ALPK2: variants seen among roughly 807,000 people sequenced by gnomAD.
ALPK2 encodes the protein alpha kinase 2, also known as alpha-protein kinase 2.
A neutral mutation model predicts 163.1 loss-of-function variants in ALPK2; 127 were observed. That is an observed-to-expected ratio of 0.78 (90% CI 0.67 to 0.90). The LOEUF (loss-of-function observed/expected upper bound fraction) is 0.90, where lower values mean the gene tolerates loss of function less well. Ranked by LOEUF, ALPK2 falls within the 40% of genes least tolerant of loss-of-function variation. The pLI, the probability that ALPK2 is intolerant of heterozygous loss-of-function variation, is 0.00. For missense variants in ALPK2, 2,360 were observed against 2,589.6 expected, an observed-to-expected ratio of 0.91 and a Z score of 1.92; for synonymous variants, 953 against 959.1, an observed-to-expected ratio of 0.99 and a Z score of 0.12.
chr18:58,569,619 C>A (rs2051874701), intron 4 of ALPK2, among the ~76,000 whole-genome samples: 1 of 152,156 alleles, frequency 6.6e-6, no homozygotes, highest in Admixed American at 6.5e-5. Context: ...ACTAATGACT[C>A]TTTATTGATT....
At chr18:58,550,604 A>C (rs112818202) in intron 4 of ALPK2, among the ~76,000 whole-genome samples, 1 of 115,164 alleles carries the variant, frequency 8.7e-6, no homozygotes, top group Non-Finnish European at 1.8e-5. Context: ...ATCCCCATCT[A>C]TATCACATAC....
At chr18:58,575,294 A>G (rs930088352) in intron 4 of ALPK2, among the ~76,000 whole-genome samples, 2 of 152,182 alleles carry the variant, frequency 1.3e-5, no homozygotes, top group Admixed American at 1.3e-4. Context: ...TTATCCAGTC[A>G]ATAATTGATT....
At chr18:58,600,488 C>CA (rs1555676568) in intron 3 of ALPK2, 1 of 152,212 alleles carries the variant, frequency 6.6e-6, no homozygotes, top group Non-Finnish European at 1.5e-5. Flanking sequence ...CCCCAGGGCA[C>CA]AGGTGACAAG....
intron 4 of ALPK2, among the ~76,000 whole-genome samples, chr18:58,540,674 C>T: frequency 6.6e-6 from 1 of 152,162 alleles, no homozygotes; most frequent in East Asian, 1.9e-4. Context: ...GCACCACCAC[C>T]CCTCTCTCCG....
intron 1 of ALPK2, among the ~76,000 whole-genome samples, chr18:58,619,316 T>C (rs1042255565): frequency 3.3e-5 from 5 of 152,206 alleles, no homozygotes; most frequent in Admixed American, 1.3e-4. Flanking sequence ...TTCAGTCACT[T>C]CTAAAGGTTG....
In ALPK2 at chr18:58,538,214, T is replaced by A. The variant is rs1432029548; in HGVS notation, c.1973A>T (p.Gln658Leu). ...DWSDPPQVQV[Q>L]ETVRETISCS... is the part of the protein sequence containing the mutation. ...AGAGATTGTCTCTCTGACTGTTTCCTGAACTTGTACCTAGGAAGATGAAAA... is the reference window on the plus strand; with the variant it reads ...AGAGATTGTCTCTCTGACTGTTTCCAGAACTTGTACCTAGGAAGATGAAAA... The change falls in exon 5 of 13, where the codon CAG becomes CTG. Residue 658 changes from glutamine (Q) to leucine (L), a missense_variant. By Grantham distance (113) the Gln-to-Leu change is moderately radical (BLOSUM62 -2). Coordinates refer to ENST00000361673, the MANE Select transcript of ALPK2 (RefSeq NM_052947.4). 6 of 1,609,780 alleles carry A rather than the reference T, an allele frequency of 3.7e-6. No individual in the cohort carries two copies. In the African/African-American group the frequency reaches 8.0e-5, roughly 21 times the overall value.
intron 4 of ALPK2, among the ~76,000 whole-genome samples, chr18:58,555,222 G>C (rs548961993): frequency 6.6e-6 from 1 of 152,212 alleles, no homozygotes; most frequent in African/African-American, 2.4e-5. Context: ...TTAAGCCAGA[G>C]CCTCTTCTTA....
At chr18:58,572,509 G>A (rs748603286) in intron 4 of ALPK2, among the ~76,000 whole-genome samples, 1 of 152,160 alleles carries the variant, frequency 6.6e-6, no homozygotes, top group Non-Finnish European at 1.5e-5. Flanking sequence ...ACCAGTGAAA[G>A]ACTAAGCGAA....
At chr18:58,569,477 G>A (rs2051873924) in intron 4 of ALPK2, among the ~76,000 whole-genome samples, 1 of 152,228 alleles carries the variant, frequency 6.6e-6, no homozygotes, top group Non-Finnish European at 1.5e-5. Flanking sequence ...GAACTTCAGT[G>A]TGTGTATGAA....
chr18:58,595,980 G>T (rs1042239288), intron 3 of ALPK2, among the ~76,000 whole-genome samples: 1 of 152,130 alleles, frequency 6.6e-6, no homozygotes, highest in South Asian at 2.1e-4. Flanking sequence ...AAGGGTAAAG[G>T]TCCCCTTATT....
chr18:58,539,165 T>G (rs2051676307), intron 4 of ALPK2, among the ~76,000 whole-genome samples: 2 of 152,174 alleles, frequency 1.3e-5, no homozygotes, highest in Non-Finnish European at 2.9e-5. Context: ...CCACCTCTAA[T>G]GAATAAATGG....
intron 6 of ALPK2, among the ~76,000 whole-genome samples, chr18:58,528,029 C>A (rs868096271): frequency 1.3e-5 from 2 of 152,098 alleles, no homozygotes; most frequent in African/African-American, 2.4e-5. Flanking sequence ...AACTGGGAAC[C>A]CTTTGGCAGA....
chr18:58,593,425 G>A (rs1010371833), intron 3 of ALPK2, among the ~76,000 whole-genome samples: 5 of 151,712 alleles, frequency 3.3e-5, no homozygotes, highest in South Asian at 2.1e-4. Context: ...TTAGCAGAGC[G>A]TTGTGGCATG....
chr18:58,522,499 C>A (rs1377794662), intron 8 of ALPK2, among the ~76,000 whole-genome samples: 2 of 152,210 alleles, frequency 1.3e-5, no homozygotes, highest in Admixed American at 1.3e-4. Flanking sequence ...GGGGACATCA[C>A]GAGCATTCAT....
In ALPK2 at chr18:58,580,814, T is replaced by A. The variant is rs112972792; in HGVS notation, c.228-266A>T. On this transcript the variant is annotated intron_variant, in intron 3 of 12. Coordinates refer to ENST00000361673, the MANE Select transcript of ALPK2 (RefSeq NM_052947.4). ...ATGGAAAATGCTGAGGATTGCACCA[T>A]GACAGTTTACAAATGCCATGGCAGG... The A allele has an allele frequency of 4.5e-3, 2,081 of 458,118 alleles. 8 individuals are homozygous for A. The highest frequency in any genetic ancestry group is 6.4e-3 in the South Asian group (211 of 33,154). The allele number at this position is 458,118 out of a possible 1,614,324, so 28.4% of individuals were successfully genotyped here.
chr18:58,484,272 C>G (rs2051327449), intron 12 of ALPK2, among the ~76,000 whole-genome samples: 1 of 152,174 alleles, frequency 6.6e-6, no homozygotes, highest in Non-Finnish European at 1.5e-5. Flanking sequence ...TTTCCTCCCT[C>G]CCTTCTCTAG....
intron 3 of ALPK2, among the ~76,000 whole-genome samples, chr18:58,582,070 T>G (rs1448951301): frequency 7.2e-5 from 11 of 152,190 alleles, no homozygotes; most frequent in Non-Finnish European, 1.5e-4. Flanking sequence ...GCAATCTGGC[T>G]CTTGGGTAGA....
chr18:58,503,905 A>G (rs1161113363), intron 11 of ALPK2, 26 bp downstream of exon 11: 1 of 1,595,878 alleles, frequency 6.3e-7, no homozygotes, highest in Admixed American at 1.7e-5. Flanking sequence ...GCATCCCTGG[A>G]GCCTGGGCTA....
chr18:58,528,028 C>T (rs1343893920), intron 6 of ALPK2, among the ~76,000 whole-genome samples: 1 of 152,112 alleles, frequency 6.6e-6, no homozygotes, highest in African/African-American at 2.4e-5. Flanking sequence ...AAACTGGGAA[C>T]CCTTTGGCAG....
Sources: allele counts gnomAD v4.1 joint callset (sites outside exome capture counted in the v4.1 genomes callset), GRCh38; gene constraint gnomAD v4.1.1; transcripts MANE v1.5; gene names NCBI Gene and HGNC (gene_info 2026-07-23, HGNC 2026-07-21).